The following CACNG2 variants were observed in gnomAD, a reference collection of about 807,000 sequenced individuals.
The protein encoded by CACNG2 is calcium voltage-gated channel auxiliary subunit gamma 2.
A neutral mutation model predicts 25.9 loss-of-function variants in CACNG2; 3 were observed. The observed-to-expected ratio is 0.12, with a 90% confidence interval of 0.05 to 0.30. The LOEUF is 0.30. Among genes scored for constraint, CACNG2 ranks in the 10% least tolerant of loss-of-function variants. CACNG2 has a pLI of 1.00. For synonymous variants in CACNG2, 167 were observed against 173.3 expected (o/e 0.96, Z 0.29); for missense variants, 341 against 432.5 (o/e 0.79, Z 1.88).
chr22:36,571,706 G>A lies in CACNG2; in HGVS notation c.296-5213C>T, dbSNP rs555540953. 1.4e-3 allele frequency among the ~76,000 whole-genome samples: 211 copies of A among 151,536 alleles called. 1 individual carries two copies. Among genetic ancestry groups the A allele is most frequent in the African/African-American group, 4.5e-3 (187 of 41,282 alleles). On this transcript the variant is annotated intron_variant, in intron 2 of 3. Transcript: ENST00000300105. ...AGCCTAGCCAATATGATGAAACCTC[G>A]TCTCTACCAAAAATAAAAAAATTAG... is the stretch of plus-strand genomic sequence containing the variant.
Position 36,564,843 on chromosome 22 carries a change from A to T in CACNG2, c.480T>A (p.Asn160Lys). 2 of 1,614,002 alleles carry T rather than the reference A, an allele frequency of 1.2e-6. No homozygotes were observed. Among genetic ancestry groups the T allele is most frequent in the Non-Finnish European group, 1.7e-6 (2 of 1,180,002 alleles). The change falls in exon 4 of 4, where the codon AAT becomes AAA. Residue 160 changes from asparagine (N) to lysine (K), a missense_variant. Physicochemically the swap from Asn to Lys is moderately conservative, Grantham distance 94. Coordinates refer to ENST00000300105, the MANE Select transcript of CACNG2 (RefSeq NM_006078.5). The surrounding 1 kb of genome is among the most constrained non-coding windows in gnomAD (Gnocchi z 6.7). ...AGTCGCTCTTGGAGGGGTCTCCGGC[A>T]TTGGCAGATATGTACACTATGATGC... ...IIGIIVYISA[N>K]AGDPSKSDSK... is the part of the protein sequence containing the mutation.
chr22:36,587,518 T>C lies in CACNG2; in HGVS notation c.242A>G (p.Asp81Gly). 1 of 1,613,660 alleles carries C rather than the reference T, an allele frequency of 6.2e-7. No individual in the cohort carries two copies. Among genetic ancestry groups the C allele is most frequent in the Non-Finnish European group, 8.5e-7 (1 of 1,179,516 alleles). ...GTAATCTGCATCCTCTGGGAAGTGA[T>C]CAATTTGCTTGCACAGACCTTTGAA... Reference protein sequence around the residue: ...GNFKGLCKQIDHFPEDADYEA... With the variant: ...GNFKGLCKQIGHFPEDADYEA... The change falls in exon 2 of 4, where the codon GAT (aspartate) becomes GGT (glycine). Residue 81 changes from aspartate to glycine, a missense_variant. By Grantham distance (94) the Asp-to-Gly change is moderately conservative (BLOSUM62 -1). Transcript: ENST00000300105.
chr22:36,694,334 A>T (rs1254121924), intron 1 of CACNG2, among the ~76,000 whole-genome samples: 1 of 152,192 alleles, frequency 6.6e-6, no homozygotes, highest in Non-Finnish European at 1.5e-5. Context: ...GTGTCTTAGA[A>T]CTGAGAGAAT....
At chr22:36,597,579 A>G (rs1569024624) in intron 1 of CACNG2, among the ~76,000 whole-genome samples, 1 of 152,172 alleles carries the variant, frequency 6.6e-6, no homozygotes, top group Non-Finnish European at 1.5e-5. Flanking sequence ...CAGAACAGAT[A>G]CTCAACAATG....
chr22:36,690,217 T>C (rs1937251337), intron 1 of CACNG2, among the ~76,000 whole-genome samples: 1 of 152,118 alleles, frequency 6.6e-6, no homozygotes, highest in Admixed American at 6.5e-5. Flanking sequence ...GGAGCAGCCA[T>C]GTAAGCCACG....
chr22:36,644,093 G>A (rs1446402301), intron 1 of CACNG2, among the ~76,000 whole-genome samples: 1 of 151,888 alleles, frequency 6.6e-6, no homozygotes, highest in African/African-American at 2.4e-5. Context: ...AAGGGATTTG[G>A]GGAAAAAAAA....
At chr22:36,640,141 G>A (rs76128212) in intron 1 of CACNG2, among the ~76,000 whole-genome samples, 2,396 of 152,170 alleles carry the variant, frequency 0.016, 64 homozygotes, top group African/African-American at 0.055. Flanking sequence ...CTATCATCCC[G>A]GCCAGTTAAT....
Position 36,606,645 on chromosome 22 carries a change from G to A in CACNG2, c.212-19097C>T, listed in dbSNP as rs1336305605. 6.6e-6 allele frequency among the ~76,000 whole-genome samples: 1 copy of A among 152,148 alleles called. No individual in the cohort carries two copies. Among genetic ancestry groups the A allele is most frequent in the Non-Finnish European group, 1.5e-5 (1 of 68,018 alleles). On this transcript the variant is annotated intron_variant, in intron 1 of 3. Transcript: ENST00000300105. This position sits in a 1 kb window ranked among gnomAD's most constrained non-coding sequence, Gnocchi z 5.7. ...TAAGTAAAAATTGGCAGATGAAAGG[G>A]AGGGCAGGGAGGTGTTTGAGAGAAG... is the stretch of plus-strand genomic sequence containing the variant.
At chr22:36,644,676 C>T (rs1266930758) in intron 1 of CACNG2, among the ~76,000 whole-genome samples, 1 of 152,154 alleles carries the variant, frequency 6.6e-6, no homozygotes, top group African/African-American at 2.4e-5. Flanking sequence ...AGTTTTCTCA[C>T]CTGTAAAATG....
chr22:36,642,265 A>G (rs1936451622), intron 1 of CACNG2, among the ~76,000 whole-genome samples: 1 of 152,232 alleles, frequency 6.6e-6, no homozygotes, highest in South Asian at 2.1e-4. Flanking sequence ...TAAGCACTCA[A>G]TAAATGCTAG....
At chr22:36,645,536 CAAAAAAAAAAAAAAAAAAAA>C (rs200600420) in intron 1 of CACNG2, among the ~76,000 whole-genome samples, 2 of 134,748 alleles carry the variant, frequency 1.5e-5, no homozygotes, top group Non-Finnish European at 3.2e-5. Context: ...GACTCTGTCT[CAAAAAAAAAAAAAAAAAAAA>C]AAAAAAAAAA....
At chr22:36,566,870 T>C (rs1466358944) in intron 2 of CACNG2, among the ~76,000 whole-genome samples, 1 of 152,238 alleles carries the variant, frequency 6.6e-6, no homozygotes, top group Non-Finnish European at 1.5e-5. Flanking sequence ...CAGAGCTTCC[T>C]ACTGGAATGT....
chr22:36,602,330 T>C, intron 1 of CACNG2, among the ~76,000 whole-genome samples: 1 of 152,072 alleles, frequency 6.6e-6, no homozygotes, highest in East Asian at 1.9e-4. Flanking sequence ...TTTCATTTTG[T>C]TGTTTGTTAA....
intron 1 of CACNG2, among the ~76,000 whole-genome samples, chr22:36,602,776 T>A (rs957902948): frequency 1.3e-5 from 2 of 152,346 alleles, no homozygotes; most frequent in Admixed American, 1.3e-4. Context: ...TGCCAAGAAC[T>A]GCACTATATA....
chr22:36,633,304 T>C (rs1189606931), intron 1 of CACNG2, among the ~76,000 whole-genome samples: 3 of 152,236 alleles, frequency 2.0e-5, no homozygotes, highest in Non-Finnish European at 4.4e-5. Flanking sequence ...CCAATAACTA[T>C]GTGTTGAATG....
chr22:36,691,610 T>G (rs1377605330), intron 1 of CACNG2, among the ~76,000 whole-genome samples: 3 of 152,140 alleles, frequency 2.0e-5, no homozygotes, highest in African/African-American at 7.2e-5. Context: ...TACACAGGTT[T>G]TGGGGTTGGA....
chr22:36,607,117 G>A (rs1198968608), intron 1 of CACNG2, among the ~76,000 whole-genome samples: 1 of 152,130 alleles, frequency 6.6e-6, no homozygotes, highest in African/African-American at 2.4e-5. Flanking sequence ...GCTGAGTGGG[G>A]AAAGGACTGG....
In CACNG2 at chr22:36,599,425, C is replaced by T. The variant is rs146547119; in HGVS notation, c.212-11877G>A. On this transcript the variant is annotated intron_variant, in intron 1 of 3. Transcript: ENST00000300105. ...AAGTTTAAGAGTGTTTGCAGCTGGGCGTGGTGGCTCACACCTGTAATCCCT... is the reference window on the plus strand; with the variant it reads ...AAGTTTAAGAGTGTTTGCAGCTGGGTGTGGTGGCTCACACCTGTAATCCCT... 2.1e-3 allele frequency among the ~76,000 whole-genome samples: 322 copies of T among 152,238 alleles called. 1 individual carries two copies. Among genetic ancestry groups the T allele is most frequent in the African/African-American group, 6.9e-3 (285 of 41,556 alleles).
Position 36,664,223 on chromosome 22 carries a change from G to C in CACNG2, c.211+38143C>G, listed in dbSNP as rs568872080. ...AAGGATTTAAGAGCCAAGAAGGTCA[G>C]ACACACACACACACCCATACACACA... On this transcript the variant is annotated intron_variant, in intron 1 of 3. Coordinates refer to ENST00000300105, the MANE Select transcript of CACNG2 (RefSeq NM_006078.5). Among the ~76,000 whole-genome samples, 3 of 151,864 alleles carry C rather than the reference G, an allele frequency of 2.0e-5. No individual in the cohort carries two copies. In the East Asian group the frequency reaches 5.8e-4, roughly 29 times the overall value.
Sources: allele counts gnomAD v4.1 joint callset (sites outside exome capture counted in the v4.1 genomes callset), GRCh38; gene constraint gnomAD v4.1.1; non-coding constraint Gnocchi (gnomAD v3.1); transcripts MANE v1.5; gene names NCBI Gene and HGNC (gene_info 2026-07-23, HGNC 2026-07-21).